SHISA9: variants seen among roughly 807,000 people sequenced by gnomAD.
SHISA9 encodes protein shisa-9.
In SHISA9, 13 loss-of-function variants were observed where a neutral mutation model predicts 38.0. The observed-to-expected ratio is 0.34, with a 90% CI of 0.22 to 0.54. SHISA9 has a LOEUF of 0.54. Among genes scored for constraint, SHISA9 ranks in the 20% least tolerant of loss-of-function variants. The pLI, the probability that SHISA9 is intolerant of heterozygous loss-of-function variation, is 0.91. For missense variants in SHISA9, 538 were observed against 575.8 expected, an observed-to-expected ratio of 0.93 and a Z score of 0.67; for synonymous variants, 275 against 242.0, an observed-to-expected ratio of 1.14 and a Z score of -1.27.
chr16:13,322,153 T>C, the SHISA9 span, among the ~76,000 whole-genome samples: 1 of 152,236 alleles, frequency 6.6e-6, no homozygotes. Context: ...AATACAGAAA[T>C]GGCCTCGAAG....
At chr16:13,008,714 T>C (rs933652227) in intron 2 of SHISA9, among the ~76,000 whole-genome samples, 1 of 141,306 alleles carries the variant, frequency 7.1e-6, no homozygotes. Context: ...CCTTGTAAGA[T>C]ATGCCTTGCT....
chr16:13,384,990 C>T, the SHISA9 span, among the ~76,000 whole-genome samples: 1 of 151,980 alleles, frequency 6.6e-6, no homozygotes, highest in African/African-American at 2.4e-5. Context: ...AACAAGCAAA[C>T]AATTCAATCA....
chr16:13,560,861 TTTTTG>T, the SHISA9 span, among the ~76,000 whole-genome samples: 3 of 152,110 alleles, frequency 2.0e-5, no homozygotes, highest in Non-Finnish European at 4.4e-5. Context: ...TAACAACTTT[TTTTTG>T]TTTTGTTTTG....
chr16:13,271,685 A>G, the SHISA9 span, among the ~76,000 whole-genome samples: 1 of 152,192 alleles, frequency 6.6e-6, no homozygotes, highest in Non-Finnish European at 1.5e-5. Context: ...ATGTCTGGAA[A>G]GGTAGAAACA....
At chr16:13,272,629 G>C in the SHISA9 span, among the ~76,000 whole-genome samples, 3,823 of 152,118 alleles carry the variant, frequency 0.025, 155 homozygotes, top group African/African-American at 0.085. Context: ...AGATGACTTG[G>C]AAAAATAAAA....
intron 2 of SHISA9, among the ~76,000 whole-genome samples, chr16:13,004,699 C>A (rs1488423037): frequency 1.3e-5 from 2 of 151,188 alleles, no homozygotes; most frequent in African/African-American, 2.4e-5. Context: ...CCAAGGTGGG[C>A]AGATCACCTG....
At chr16:13,363,578 G>A in the SHISA9 span, among the ~76,000 whole-genome samples, 1 of 152,154 alleles carries the variant, frequency 6.6e-6, no homozygotes, top group Non-Finnish European at 1.5e-5. Flanking sequence ...GCAAAGAAGT[G>A]GAGGTGCAGA....
At chr16:13,162,557 A>G (rs1292427989) in intron 2 of SHISA9, among the ~76,000 whole-genome samples, 16 of 152,022 alleles carry the variant, frequency 1.1e-4, no homozygotes, top group Non-Finnish European at 7.4e-5. Context: ...CAGATTCGAA[A>G]CTCATCCAAA....
chr16:13,059,906 A>C (rs957516652), intron 2 of SHISA9, among the ~76,000 whole-genome samples: 7 of 152,138 alleles, frequency 4.6e-5, no homozygotes, highest in Admixed American at 1.3e-4. Context: ...CACCCTGCCC[A>C]CACCTTGATC....
the SHISA9 span, among the ~76,000 whole-genome samples, chr16:13,436,261 C>G: frequency 1.3e-5 from 2 of 152,186 alleles, no homozygotes; most frequent in African/African-American, 2.4e-5. Context: ...AGAAACCAGC[C>G]AAAACCTACC....
the SHISA9 span, among the ~76,000 whole-genome samples, chr16:13,362,129 C>A: frequency 2.0e-5 from 3 of 147,928 alleles, no homozygotes; most frequent in African/African-American, 7.5e-5. Flanking sequence ...TTTGGGAGAC[C>A]AAGGCAGGCA....
the SHISA9 span, among the ~76,000 whole-genome samples, chr16:13,405,516 G>T: frequency 6.6e-6 from 1 of 152,156 alleles, no homozygotes; most frequent in African/African-American, 2.4e-5. Flanking sequence ...ATATGCGCAG[G>T]TTTATTACCT....
At chr16:13,372,270 C>T in the SHISA9 span, among the ~76,000 whole-genome samples, 2 of 152,172 alleles carry the variant, frequency 1.3e-5, no homozygotes, top group Admixed American at 6.5e-5. Context: ...TAAAGTCCAA[C>T]ATTTTCCATT....
the SHISA9 span, among the ~76,000 whole-genome samples, chr16:13,497,703 A>G: frequency 6.7e-6 from 1 of 149,074 alleles, no homozygotes; most frequent in Non-Finnish European, 1.5e-5. Flanking sequence ...AAAAAAAAAG[A>G]AAAAAGAAAA....
At chr16:13,067,362 T>C (rs1293519357) in intron 2 of SHISA9, among the ~76,000 whole-genome samples, 1 of 152,230 alleles carries the variant, frequency 6.6e-6, no homozygotes, top group Admixed American at 6.5e-5. Flanking sequence ...CAAGTTCACA[T>C]GTGATTCCTT....
At chr16:13,315,769 C>T in the SHISA9 span, among the ~76,000 whole-genome samples, 1 of 152,128 alleles carries the variant, frequency 6.6e-6, no homozygotes, top group African/African-American at 2.4e-5. Context: ...GATGAGATCA[C>T]TGAAACTGGA....
the SHISA9 span, among the ~76,000 whole-genome samples, chr16:13,416,023 G>C: frequency 6.6e-6 from 1 of 152,128 alleles, no homozygotes; most frequent in East Asian, 1.9e-4. Context: ...CATTGGTGAT[G>C]CTCTTTTACT....
chr16:12,932,029 T>G (rs533583294), intron 2 of SHISA9, among the ~76,000 whole-genome samples: 1 of 152,102 alleles, frequency 6.6e-6, no homozygotes, highest in Middle Eastern at 3.4e-3. Flanking sequence ...ACCTGATGGG[T>G]TTTTTAATAA....
chr16:13,148,636 A>G (rs138641728), intron 2 of SHISA9, among the ~76,000 whole-genome samples: 130 of 151,502 alleles, frequency 8.6e-4, no homozygotes, highest in African/African-American at 2.8e-3. Flanking sequence ...AGACACACAC[A>G]TTCTCATTCA....
Sources: gnomAD v4.1 joint callset for allele counts (sites outside exome capture counted in the v4.1 genomes callset) on GRCh38, gnomAD v4.1.1 for gene constraint, MANE v1.5 for transcripts, NCBI Gene and HGNC (gene_info 2026-07-23, HGNC 2026-07-21) for gene names.